KALRN: variants seen among roughly 807,000 people sequenced by gnomAD.
KALRN encodes the protein kalirin.
KALRN carries 70 observed loss-of-function variants against 353.7 expected under a neutral mutation model. The ratio of observed to expected loss-of-function variants is 0.20; its 90% CI spans 0.16 to 0.24. The LOEUF (loss-of-function observed/expected upper bound fraction) is 0.24. Ranked by LOEUF, KALRN falls within the 10% of genes least tolerant of loss-of-function variation. KALRN has a pLI of 1.00. For missense variants in KALRN, 2,791 were observed against 3,756.7 expected (o/e 0.74, Z 6.72); for synonymous variants, 1,391 against 1,434.8 (o/e 0.97, Z 0.69).
intron 34 of KALRN, among the ~76,000 whole-genome samples, chr3:124,610,834 G>A (rs2077864729): frequency 1.5e-5 from 2 of 132,460 alleles, no homozygotes; most frequent in African/African-American, 3.1e-5. Context: ...AACATAGTAG[G>A]ACCCCGTCCC....
intron 13 of KALRN, chr3:124,410,413 TG>T (rs1196010617): frequency 2.6e-6 from 1 of 377,762 alleles, no homozygotes; most frequent in Non-Finnish European, 5.2e-6. Context: ...GAGTAAAAAT[TG>T]TGATTTGGGC....
intron 59 of KALRN, among the ~76,000 whole-genome samples, chr3:124,718,209 C>T (rs1294516424): frequency 6.6e-6 from 1 of 150,380 alleles, no homozygotes; most frequent in African/African-American, 2.4e-5. Context: ...GCAACCTCTA[C>T]CTCCCAGGTT....
chr3:124,670,260 A>G (rs1485734592), intron 47 of KALRN, among the ~76,000 whole-genome samples: 2 of 152,258 alleles, frequency 1.3e-5, no homozygotes, highest in African/African-American at 4.8e-5. Context: ...CTGGGATTAC[A>G]GGCATGCACC....
intron 35 of KALRN, among the ~76,000 whole-genome samples, chr3:124,633,516 G>A (rs57367501): frequency 6.6e-6 from 1 of 152,062 alleles, no homozygotes; most frequent in African/African-American, 2.4e-5. Context: ...GGCGGCATTT[G>A]GGCTATGGTT....
chr3:124,687,060 G>A (rs756116828), intron 51 of KALRN, among the ~76,000 whole-genome samples: 6 of 151,794 alleles, frequency 4.0e-5, no homozygotes, highest in African/African-American at 7.3e-5. Flanking sequence ...AGTGATCCTC[G>A]TGCCTCAGCC....
intron 4 of KALRN, among the ~76,000 whole-genome samples, chr3:124,265,868 C>G (rs998779258): frequency 5.3e-5 from 8 of 152,164 alleles, no homozygotes; most frequent in Non-Finnish European, 1.2e-4. Context: ...GTAATCCCAA[C>G]ACTTTGGGAG....
chr3:124,603,971 G>A (rs1304789594), intron 34 of KALRN, among the ~76,000 whole-genome samples: 1 of 152,062 alleles, frequency 6.6e-6, no homozygotes, highest in African/African-American at 2.4e-5. Context: ...AGGATAAAGA[G>A]AGTGAACAAC....
intron 6 of KALRN, among the ~76,000 whole-genome samples, chr3:124,301,732 C>T (rs1580706082): frequency 6.6e-6 from 1 of 152,202 alleles, no homozygotes; most frequent in South Asian, 2.1e-4. Context: ...CAAGTGGCTA[C>T]TGCTCGAACT....
chr3:124,347,274 CTGTGTGTGTGTGTGTGTGTGTGTG>C lies in KALRN; in HGVS notation c.1770+33_1770+56del, dbSNP rs61359186. On this transcript the variant is annotated intron_variant, in intron 10 of 59. Coordinates refer to ENST00000682506, the MANE Select transcript of KALRN (RefSeq NM_001388419.1). ...TTGAAGAGGTGGCTCAGGTGAGAAG[CTGTGTGTGTGTGTGTGTGTGTGTG>C]TGTGTGTGTGTGTGTGTGTGTGTCT... 13 of 1,153,834 alleles carry C rather than the reference CTGTGTGTGTGTGTGTGTGTGTGTG, an allele frequency of 1.1e-5. No individual in the cohort carries two copies. Among genetic ancestry groups the C allele is most frequent in the East Asian group, 4.5e-5 (1 of 22,452 alleles). 71.5% of individuals were successfully genotyped at this position (1,153,834 alleles called of 1,614,324 possible). A position where few individuals can be genotyped will look rare whatever the true frequency, so the allele number is the denominator to read the frequency against.
chr3:124,513,868 A>C (rs2066234538), intron 33 of KALRN, among the ~76,000 whole-genome samples: 1 of 152,126 alleles, frequency 6.6e-6, no homozygotes, highest in South Asian at 2.1e-4. Flanking sequence ...CTCATCGCTG[A>C]CCGCTCAGCC....
At chr3:124,437,752 A>G (rs1489690829) in intron 17 of KALRN, among the ~76,000 whole-genome samples, 1 of 150,114 alleles carries the variant, frequency 6.7e-6, no homozygotes, top group Non-Finnish European at 1.5e-5. Flanking sequence ...AGAGAAGGCC[A>G]AAGATAGTCA....
At chr3:124,042,851 A>G (rs919103337) in intron 1 of KALRN, among the ~76,000 whole-genome samples, 2 of 152,214 alleles carry the variant, frequency 1.3e-5, no homozygotes, top group East Asian at 3.8e-4. Context: ...AGATCTGGAA[A>G]TATAGATTTG....
At chr3:124,413,744 A>C (rs2092330599) in intron 14 of KALRN, 79 bp downstream of exon 14, 1 of 1,081,682 alleles carries the variant, frequency 9.2e-7, no homozygotes, top group African/African-American at 1.6e-5. Context: ...GAGCAGTGCC[A>C]CATCGTTTAT....
intron 1 of KALRN, chr3:124,152,573 T>TTTTCTTTTCTTTTCTTTTC (rs2068285525): frequency 3.4e-5 from 1 of 29,142 alleles, no homozygotes; most frequent in African/African-American, 6.7e-5. Context: ...TTTTCTTTTC[T>TTTTCTTTTCTTTTCTTTTC]TTTCTTTCTT....
chr3:124,056,160 C>T (rs761957881), intron 1 of KALRN, among the ~76,000 whole-genome samples: 2 of 152,184 alleles, frequency 1.3e-5, no homozygotes, highest in African/African-American at 2.4e-5. Context: ...TTTTGCCAGC[C>T]CCTTGCCTTG....
intron 1 of KALRN, among the ~76,000 whole-genome samples, chr3:124,131,085 G>C (rs1453449619): frequency 6.6e-6 from 1 of 152,154 alleles, no homozygotes; most frequent in Non-Finnish European, 1.5e-5. Context: ...TGTATACTTT[G>C]TGCAAGTTAT....
chr3:124,664,364 TGTGTGTGCGC>T lies in KALRN; in HGVS notation c.6346-2083_6346-2074del, dbSNP rs1382476235. On this transcript the variant is annotated intron_variant, in intron 45 of 59. Transcript: ENST00000682506. ...GTGTGTGTGTGTGTGTGTGTGTGTG[TGTGTGTGCGC>T]GCGCGCGCATATAAGGGCACCCACA... Among the ~76,000 whole-genome samples, 224 of 127,084 alleles carry T rather than the reference TGTGTGTGCGC, an allele frequency of 1.8e-3. 1 individual carries two copies. The highest frequency in any genetic ancestry group is 7.0e-3 in the African/African-American group (210 of 29,956). The allele number at this position is 127,084 out of a possible 152,430, so 83.4% of individuals were successfully genotyped here.
intron 34 of KALRN, among the ~76,000 whole-genome samples, chr3:124,605,166 G>A (rs2077204849): frequency 6.6e-6 from 1 of 151,592 alleles, no homozygotes; most frequent in African/African-American, 2.4e-5. Flanking sequence ...GGCTGGTCTT[G>A]AACTCCTGGC....
chr3:124,237,081 T>C (rs1040330548), intron 3 of KALRN, among the ~76,000 whole-genome samples: 3 of 152,188 alleles, frequency 2.0e-5, no homozygotes, highest in Non-Finnish European at 4.4e-5. Flanking sequence ...ATAATGGCTG[T>C]TGGATGGAAC....
Sources: allele counts gnomAD v4.1 joint callset (sites outside exome capture counted in the v4.1 genomes callset), GRCh38; gene constraint gnomAD v4.1.1; transcripts MANE v1.5; gene names NCBI Gene and HGNC (gene_info 2026-07-23, HGNC 2026-07-21).